PPARA: variants seen among roughly 807,000 people sequenced by gnomAD.
PPARA encodes peroxisome proliferator activated receptor alpha, also known as peroxisome proliferator-activated receptor alpha.
In PPARA, 22 loss-of-function variants were observed where a neutral mutation model predicts 42.2. The ratio of observed to expected loss-of-function variants is 0.52; its 90% CI spans 0.37 to 0.74. The LOEUF is 0.74. PPARA is among the 30% of genes least tolerant of loss of function. The pLI is 0.00. For synonymous variants in PPARA, 242 were observed against 239.3 expected (o/e 1.01, Z -0.10); for missense variants, 465 against 608.2 (o/e 0.76, Z 2.48).
In PPARA at chr22:46,231,008, G is replaced by A. The variant is rs1473392960; in HGVS notation, c.712-784G>A. Among the ~76,000 whole-genome samples, 4 of 152,066 alleles carry A rather than the reference G, an allele frequency of 2.6e-5. No individual in the cohort carries two copies. Among genetic ancestry groups the A allele is most frequent in the African/African-American group, 4.8e-5 (2 of 41,402 alleles). On this transcript the variant is annotated intron_variant, in intron 7 of 8. Transcript: ENST00000407236. The surrounding 1 kb of genome is among the most constrained non-coding windows in gnomAD (Gnocchi z 7.7). ...TTAAAGGTGCTTTGCTAATGTCCTC[G>A]TTAGTTTTGTTTTGACAAAATCAGT...
chr22:46,232,383 C>A lies in PPARA; in HGVS notation c.1159+144C>A. ...GGTGGGAAGACGTCTGACCCCCAGT[C>A]ACTGCTGAGAATTCAGTGGGAATTA... On this transcript the variant is annotated intron_variant, in intron 8 of 8. Transcript: ENST00000407236. The surrounding 1 kb of genome is among the most constrained non-coding windows in gnomAD (Gnocchi z 5.3). 1.3e-6 allele frequency: 1 copy of A among 762,188 alleles called. No homozygotes were observed. 47.2% of individuals were successfully genotyped at this position (762,188 alleles called of 1,614,324 possible).
Position 46,198,504 on chromosome 22 carries a change from A to G in PPARA, c.121A>G (p.Ile41Val). 6.2e-7 allele frequency: 1 copy of G among 1,614,022 alleles called. No individual in the cohort carries two copies. Among genetic ancestry groups the G allele is most frequent in the Non-Finnish European group, 8.5e-7 (1 of 1,179,994 alleles). ...AAACATCCAAGAGATTTCGCAATCC[A>G]TCGGCGAGGATAGTTCTGGAAGCTT... ...MGNIQEISQS[I>V]GEDSSGSFGF... Residue 41 changes from isoleucine (I) to valine (V), a missense_variant, in exon 4 of 9, where the codon ATC (isoleucine) becomes GTC (valine). Physicochemically the swap from Ile to Val is conservative, Grantham distance 29. This residue lies in a region of PPARA where 152 missense variants were observed against 139.1 expected (regional missense o/e 1.09). Transcript: ENST00000407236.
At chr22:46,205,345 TA>T in intron 4 of PPARA, among the ~76,000 whole-genome samples, 2 of 150,716 alleles carry the variant, frequency 1.3e-5, no homozygotes, top group South Asian at 4.2e-4. Context: ...GCCTCCCAAG[TA>T]GCTGAGACTA....
chr22:46,235,557 C>G lies in PPARA; in HGVS notation c.*177C>G. On this transcript the variant is annotated 3_prime_UTR_variant, in exon 9 of 9. Coordinates refer to ENST00000407236, the MANE Select transcript of PPARA (RefSeq NM_005036.6). This position sits in a 1 kb window ranked among gnomAD's most constrained non-coding sequence, Gnocchi z 7.0. ...CATATCTTTGTTTTAACCAGTACTT[C>G]TAAGAGCATAGAACTCAAATGCTGG... 1 of 828,122 alleles carries G rather than the reference C, an allele frequency of 1.2e-6. No homozygotes were observed. Among genetic ancestry groups the G allele is most frequent in the Non-Finnish European group, 1.9e-6 (1 of 531,860 alleles). The allele number at this position is 828,122 out of a possible 1,614,324, so 51.3% of individuals were successfully genotyped here.
rs1225866655 is a variant in PPARA, at chr22:46,235,119, T to C, written c.1160-14T>C. On this transcript the variant is annotated splice_polypyrimidine_tract_variant and intron_variant, in intron 8 of 8. Coordinates refer to ENST00000407236, the MANE Select transcript of PPARA (RefSeq NM_005036.6). The surrounding 1 kb of genome is among the most constrained non-coding windows in gnomAD (Gnocchi z 7.0). ...TTATCACACTCAAACCTCTCTCTCTTCTTTCGAGACTAGATCGTCCTGGCC... is the reference window on the plus strand; with the variant it reads ...TTATCACACTCAAACCTCTCTCTCTCCTTTCGAGACTAGATCGTCCTGGCC... 1 of 1,613,836 alleles carries C rather than the reference T, an allele frequency of 6.2e-7. No homozygotes were observed. Among genetic ancestry groups the C allele is most frequent in the Admixed American group, 1.7e-5 (1 of 59,982 alleles).
Position 46,227,185 on chromosome 22 carries a change from T to C in PPARA, c.712-4607T>C. ...ATTTCTACAAATGTATAGTAAAACATAACCAAGAGAGCTTATTAAATAATT... is the reference window on the plus strand; with the variant it reads ...ATTTCTACAAATGTATAGTAAAACACAACCAAGAGAGCTTATTAAATAATT... On this transcript the variant is annotated intron_variant, in intron 7 of 8. Coordinates refer to ENST00000407236, the MANE Select transcript of PPARA (RefSeq NM_005036.6). This position sits in a 1 kb window ranked among gnomAD's most constrained non-coding sequence, Gnocchi z 4.3. 6.9e-6 allele frequency among the ~76,000 whole-genome samples: 1 copy of C among 144,790 alleles called. No homozygotes were observed. Among genetic ancestry groups the C allele is most frequent in the African/African-American group, 2.7e-5 (1 of 37,028 alleles). 95.0% of individuals were successfully genotyped at this position (144,790 alleles called of 152,430 possible).
chr22:46,175,027 T>G (rs1222588558), intron 2 of PPARA, among the ~76,000 whole-genome samples: 2 of 152,004 alleles, frequency 1.3e-5, no homozygotes, highest in Non-Finnish European at 2.9e-5. Flanking sequence ...TTCTCCTGCC[T>G]CAGCCTCCTG....
rs1024881741 is a variant in PPARA, at chr22:46,238,663, G to A, written c.*3283G>A. Reference sequence around the variant, plus strand: ...GCACGGCGAGGGACTCCTCCCAGACGTGCCTCTTGTGTGCCAGCTGGCTGT... The same window carrying A: ...GCACGGCGAGGGACTCCTCCCAGACATGCCTCTTGTGTGCCAGCTGGCTGT... On this transcript the variant is annotated 3_prime_UTR_variant, in exon 9 of 9. Transcript: ENST00000407236. This position sits in a 1 kb window ranked among gnomAD's most constrained non-coding sequence, Gnocchi z 8.3. The A allele has an allele frequency of 6.6e-5, 10 of 152,388 alleles. 1 individual carries two copies. The Middle Eastern group carries it at 0.017, about 259-fold the overall frequency. 9.4% of individuals were successfully genotyped at this position (152,388 alleles called of 1,614,324 possible). A position where few individuals can be genotyped will look rare whatever the true frequency, so the allele number is the denominator to read the frequency against.
chr22:46,209,798 C>T (rs1375953495), intron 4 of PPARA, among the ~76,000 whole-genome samples: 7 of 152,090 alleles, frequency 4.6e-5, no homozygotes, highest in South Asian at 2.1e-4. Context: ...CAGGCTGGAG[C>T]GCAGTGGCAT....
At position 46,187,290 on chromosome 22, in the gene PPARA, G is replaced by A. The variant is rs1026262501; in HGVS notation, c.-43+10454G>A. ...TGGCCAGGTGCATTGGCTCATGCCT[G>A]TAATCCCTTCTCTCCATGCTCAAAA... On this transcript the variant is annotated intron_variant, in intron 3 of 8. Transcript: ENST00000407236. This position sits in a 1 kb window ranked among gnomAD's most constrained non-coding sequence, Gnocchi z 4.9. Among the ~76,000 whole-genome samples, 5 of 152,218 alleles carry A rather than the reference G, an allele frequency of 3.3e-5. No individual in the cohort carries two copies. Among genetic ancestry groups the A allele is most frequent in the African/African-American group, 1.2e-4 (5 of 41,454 alleles).
rs1929777271 is a variant in PPARA at position 46,180,379 on chromosome 22, A to T, written c.-43+3543A>T. 6.6e-6 allele frequency among the ~76,000 whole-genome samples: 1 copy of T among 152,170 alleles called. No individual in the cohort carries two copies. Among genetic ancestry groups the T allele is most frequent in the Non-Finnish European group, 1.5e-5 (1 of 68,042 alleles). On this transcript the variant is annotated intron_variant, in intron 3 of 8. Coordinates refer to ENST00000407236, the MANE Select transcript of PPARA (RefSeq NM_005036.6). The surrounding 1 kb of genome is among the most constrained non-coding windows in gnomAD (Gnocchi z 4.2). ...AAAATGCTGTTTAGGCCCAGACTGAAAGGCTTTAAGTAACCACTCCCCCAC... is the reference window on the plus strand; with the variant it reads ...AAAATGCTGTTTAGGCCCAGACTGATAGGCTTTAAGTAACCACTCCCCCAC...
rs1032179299 is a variant in PPARA, at chr22:46,231,564, C to T, written c.712-228C>T. 7.2e-5 allele frequency among the ~76,000 whole-genome samples: 11 copies of T among 152,214 alleles called. No individual in the cohort carries two copies. The highest frequency in any genetic ancestry group is 3.4e-3 in the Middle Eastern group (1 of 294). On this transcript the variant is annotated intron_variant, in intron 7 of 8. Coordinates refer to ENST00000407236, the MANE Select transcript of PPARA (RefSeq NM_005036.6). The surrounding 1 kb of genome is among the most constrained non-coding windows in gnomAD (Gnocchi z 7.7). ...GCGATGAAATCCACCCAATGTCAGG[C>T]GATGACTATTATTATTTTACTGATT...
intron 2 of PPARA, among the ~76,000 whole-genome samples, chr22:46,168,056 C>T (rs913907534): frequency 6.7e-6 from 1 of 149,924 alleles, no homozygotes; most frequent in Non-Finnish European, 1.5e-5. Flanking sequence ...GACTCAGTCT[C>T]TTAAAGAAGA....
chr22:46,190,135 TAA>T lies in PPARA; in HGVS notation c.-42-8205_-42-8204del, dbSNP rs1342830095. On this transcript the variant is annotated intron_variant, in intron 3 of 8. Coordinates refer to ENST00000407236, the MANE Select transcript of PPARA (RefSeq NM_005036.6). This position sits in a 1 kb window ranked among gnomAD's most constrained non-coding sequence, Gnocchi z 5.6. ...ATTGAGCGAAAAGACTTCTAGATGT[TAA>T]ATATGATATTCAAAAAATATAAAGA... Among the ~76,000 whole-genome samples, 3 of 152,222 alleles carry T rather than the reference TAA, an allele frequency of 2.0e-5. No homozygotes were observed. Among genetic ancestry groups the T allele is most frequent in the Non-Finnish European group, 4.4e-5 (3 of 68,042 alleles).
In PPARA at chr22:46,219,805, A is replaced by G. The variant is rs1322036898; in HGVS notation, c.509-7A>G. The G allele has an allele frequency of 6.2e-7, 1 of 1,613,920 alleles. No homozygotes were observed. The highest frequency in any genetic ancestry group is 2.2e-5 in the East Asian group (1 of 44,870). On this transcript the variant is annotated splice_region_variant and splice_polypyrimidine_tract_variant and intron_variant, in intron 6 of 8. Transcript: ENST00000407236. This position sits in a 1 kb window ranked among gnomAD's most constrained non-coding sequence, Gnocchi z 4.8. ...CTCATGCCTGTGTTTCCCCCTCCAA[A>G]CCCTAGCGATTCGTTTTGGACGAAT... is the stretch of plus-strand genomic sequence containing the variant.
Position 46,234,906 on chromosome 22 carries a change from G to A in PPARA, c.1160-227G>A, listed in dbSNP as rs1936117094. 1.3e-5 allele frequency among the ~76,000 whole-genome samples: 2 copies of A among 152,196 alleles called. No individual in the cohort carries two copies. Among genetic ancestry groups the A allele is most frequent in the African/African-American group, 4.8e-5 (2 of 41,456 alleles). On this transcript the variant is annotated intron_variant, in intron 8 of 8. Coordinates refer to ENST00000407236, the MANE Select transcript of PPARA (RefSeq NM_005036.6). The surrounding 1 kb of genome is among the most constrained non-coding windows in gnomAD (Gnocchi z 5.8). ...GTACTTAGGGCACTATTGCCGCCTA[G>A]TAGTATGAATATTTAGGAAAGAGTA... is the stretch of plus-strand genomic sequence containing the variant.
At position 46,216,467 on chromosome 22, in the gene PPARA, T is replaced by C. The variant is rs1426663823; in HGVS notation, c.369+1134T>C. On this transcript the variant is annotated intron_variant, in intron 5 of 8. Coordinates refer to ENST00000407236, the MANE Select transcript of PPARA (RefSeq NM_005036.6). This position sits in a 1 kb window ranked among gnomAD's most constrained non-coding sequence, Gnocchi z 4.5. ...AATACAAGACAGAGAGCTGTTACCG[T>C]TGATCTCTGGAGCCTCCCTGAAGGC... Among the ~76,000 whole-genome samples the C allele has an allele frequency of 6.6e-6, 1 of 152,100 alleles. No individual in the cohort carries two copies. The highest frequency in any genetic ancestry group is 1.5e-5 in the Non-Finnish European group (1 of 68,006).
rs182544896 is a variant in PPARA, at chr22:46,189,792, G to A, written c.-42-8550G>A. Among the ~76,000 whole-genome samples, 288 of 151,038 alleles carry A rather than the reference G, an allele frequency of 1.9e-3. 4 individuals carry two copies. The highest frequency in any genetic ancestry group is 0.016 in the Admixed American group (243 of 15,130). ...GCAGTCTCAGCTCACTGCAACCTCC[G>A]CCTCCCAGGTTCAAGTGATTCTCCT... On this transcript the variant is annotated intron_variant, in intron 3 of 8. Transcript: ENST00000407236.
rs574742265 is a variant in PPARA, at chr22:46,166,652, T to C, written c.-126-10101T>C. On this transcript the variant is annotated intron_variant, in intron 2 of 8. Transcript: ENST00000407236. ...AAAAACAAAAAACAGTAATCAAGCA[T>C]GAAAATTATGAAATGCTCAGAGATA... Among the ~76,000 whole-genome samples the C allele has an allele frequency of 9.8e-4, 147 of 149,570 alleles. 1 individual carries two copies. Among genetic ancestry groups the C allele is most frequent in the African/African-American group, 3.3e-3 (136 of 40,810 alleles).
Sources: gnomAD v4.1 joint callset for allele counts (sites outside exome capture counted in the v4.1 genomes callset) on GRCh38, gnomAD v4.1.1 for gene constraint, gnomAD v4.1.1 regional missense constraint, Gnocchi (gnomAD v3.1) non-coding constraint, MANE v1.5 for transcripts, NCBI Gene and HGNC (gene_info 2026-07-23, HGNC 2026-07-21) for gene names.